ZNF736: variants seen among roughly 807,000 people sequenced by gnomAD.
ZNF736 encodes the protein zinc finger protein 736.
Under a neutral mutation model 11.7 loss-of-function variants are expected in ZNF736, and 6 were observed. That is an observed-to-expected ratio of 0.51 (90% confidence interval 0.28 to 1.01). The LOEUF is 1.01. Among genes scored for constraint, ZNF736 ranks in the 50% least tolerant of loss-of-function variants. The pLI is 0.09. For synonymous variants in ZNF736, 139 were observed against 164.7 expected (o/e 0.84, Z 1.19); for missense variants, 444 against 496.0 (o/e 0.90, Z 1.00).
rs1789533670 is a variant in ZNF736, at chr7:64,354,804, A to T, written c.*5657A>T. The T allele has an allele frequency of 6.6e-6, 1 of 152,174 alleles. No individual in the cohort carries two copies. Among genetic ancestry groups the T allele is most frequent in the Non-Finnish European group, 1.5e-5 (1 of 68,022 alleles). The allele number at this position is 152,174 out of a possible 1,614,324, so 9.4% of individuals were successfully genotyped here. On this transcript the variant is annotated 3_prime_UTR_variant, in exon 4 of 4. Transcript: ENST00000423484. ...TTTTTGTTTAGTTACTGTTCATTTTACTTTATAAAATTGACATAATTGAGT... is the reference window on the plus strand; with the variant it reads ...TTTTTGTTTAGTTACTGTTCATTTTTCTTTATAAAATTGACATAATTGAGT...
chr7:64,341,897 A>T (rs1789343534), intron 3 of ZNF736, among the ~76,000 whole-genome samples: 1 of 152,198 alleles, frequency 6.6e-6, no homozygotes, highest in African/African-American at 2.4e-5. Context: ...CAGATAACAC[A>T]TGTGAAAGGT....
Position 64,348,302 on chromosome 7 carries a change from T to C in ZNF736, c.439T>C (p.Cys147Arg), listed in dbSNP as rs1789438320. The C allele has an allele frequency of 1.9e-6, 3 of 1,551,864 alleles. No individual in the cohort carries two copies. The highest frequency in any genetic ancestry group is 2.6e-6 in the Non-Finnish European group (3 of 1,146,886). ...AGCTACCCATAGCAAAACCTGTCAA[T>C]GTAATAAATGTGGCAGAGGTTTTCA... is the stretch of plus-strand genomic sequence containing the variant. The part of the protein sequence containing the change: ...LSATHSKTCQ[C>R]NKCGRGFQLC... Residue 147 changes from cysteine (C) to arginine (R), a missense_variant, in exon 4 of 4, where the codon TGT becomes CGT. Cys to Arg is a radical substitution (Grantham distance 180). Coordinates refer to ENST00000423484, the MANE Select transcript of ZNF736 (RefSeq NM_001170905.3).
chr7:64,349,272 A>ATG lies in ZNF736; in HGVS notation c.*125_*126insTG. 2 of 886,890 alleles carry ATG rather than the reference A, an allele frequency of 2.3e-6. No individual in the cohort carries two copies. The highest frequency in any genetic ancestry group is 3.3e-6 in the Non-Finnish European group (2 of 610,668). The allele number at this position is 886,890 out of a possible 1,614,324, so 54.9% of individuals were successfully genotyped here. On this transcript the variant is annotated 3_prime_UTR_variant, in exon 4 of 4. Coordinates refer to ENST00000423484, the MANE Select transcript of ZNF736 (RefSeq NM_001170905.3). ...TTTATCATCTTAGAGGGTCTCTAAG[A>ATG]ACTTACTTTATAATCTGGTTGCTTA...
At position 64,348,804 on chromosome 7, in the gene ZNF736, C is replaced by T; in HGVS notation, c.941C>T (p.Thr314Ile). 1 of 1,585,206 alleles carries T rather than the reference C, an allele frequency of 6.3e-7. No individual in the cohort carries two copies. Among genetic ancestry groups the T allele is most frequent in the Non-Finnish European group, 8.6e-7 (1 of 1,166,046 alleles). ...KIIHTGDKPYTCNECGKAFKW... is the reference protein window; with the variant it reads ...KIIHTGDKPYICNECGKAFKW... The stretch of plus-strand genomic sequence containing the variant: ...ATTCATACTGGAGACAAACCCTACA[C>T]ATGTAATGAATGTGGAAAAGCTTTT... Residue 314 changes from threonine (T) to isoleucine (I), a missense_variant, in exon 4 of 4, where the codon ACA (threonine) becomes ATA (isoleucine). Physicochemically the swap from Thr to Ile is moderately conservative, Grantham distance 89. Transcript: ENST00000423484.
chr7:64,319,343 A>G (rs1203244232), intron 1 of ZNF736, among the ~76,000 whole-genome samples: 4,773 of 93,298 alleles, frequency 0.051, 396 homozygotes, highest in African/African-American at 0.12. Flanking sequence ...GTATATATAT[A>G]TATATATATA....
chr7:64,335,130 C>G (rs1460488219), intron 1 of ZNF736, among the ~76,000 whole-genome samples: 1 of 152,028 alleles, frequency 6.6e-6, no homozygotes, highest in Non-Finnish European at 1.5e-5. Flanking sequence ...ACATCACACA[C>G]CAGGGCCTGT....
At chr7:64,332,150 GACTGTCC>G (rs1473659897) in intron 1 of ZNF736, among the ~76,000 whole-genome samples, 4 of 152,200 alleles carry the variant, frequency 2.6e-5, no homozygotes, top group Admixed American at 2.0e-4. Context: ...TCAGGTCAGA[GACTGTCC>G]AACTTTTTCT....
intron 3 of ZNF736, among the ~76,000 whole-genome samples, chr7:64,340,347 T>C (rs73368003): frequency 0.05 from 7,624 of 152,242 alleles, 647 homozygotes; most frequent in African/African-American, 0.17. Flanking sequence ...TCTCTGGATA[T>C]GCAGAACCAC....
chr7:64,348,128 C>A lies in ZNF736; in HGVS notation c.265C>A (p.His89Asn). The A allele has an allele frequency of 2.6e-6, 4 of 1,541,744 alleles. No individual in the cohort carries two copies. Among genetic ancestry groups the A allele is most frequent in the Non-Finnish European group, 3.5e-6 (4 of 1,144,122 alleles). The change falls in exon 4 of 4, where the codon CAT becomes AAT. Residue 89 changes from histidine to asparagine, a missense_variant. By Grantham distance (68) the His-to-Asn change is moderately conservative. Transcript: ENST00000423484. ...TTTTACTGCAGAGATATTGCCGGAT[C>A]ATGACATAAAAGATTCATTTCAAAA... is the stretch of plus-strand genomic sequence containing the variant. The part of the protein sequence containing the change: ...FHFTAEILPD[H>N]DIKDSFQKVI...
intron 1 of ZNF736, among the ~76,000 whole-genome samples, chr7:64,335,475 G>C (rs973453548): frequency 1.3e-5 from 2 of 152,020 alleles, no homozygotes; most frequent in Admixed American, 6.6e-5. Context: ...ATCAGCACCT[G>C]ATACAAATTT....
Position 64,353,338 on chromosome 7 carries a change from G to C in ZNF736, c.*4191G>C, listed in dbSNP as rs1190780681. 1 of 152,204 alleles carries C rather than the reference G, an allele frequency of 6.6e-6. No individual in the cohort carries two copies. The highest frequency in any genetic ancestry group is 1.5e-5 in the Non-Finnish European group (1 of 68,050). 9.4% of individuals were successfully genotyped at this position (152,204 alleles called of 1,614,324 possible). A position where few individuals can be genotyped will look rare whatever the true frequency, so the allele number is the denominator to read the frequency against. ...GTTTCTTTGATTATTCCCAATGCAA[G>C]TACCTGGATGTTTCAGTTGCAGGTG... On this transcript the variant is annotated 3_prime_UTR_variant, in exon 4 of 4. Transcript: ENST00000423484.
chr7:64,331,967 A>G (rs1452344603), intron 1 of ZNF736, among the ~76,000 whole-genome samples: 2 of 152,180 alleles, frequency 1.3e-5, no homozygotes, highest in African/African-American at 4.8e-5. Flanking sequence ...TTTATCTGCA[A>G]TTCTAGGTCC....
At chr7:64,329,713 A>G (rs1465488149) in intron 1 of ZNF736, among the ~76,000 whole-genome samples, 1 of 152,130 alleles carries the variant, frequency 6.6e-6, no homozygotes, top group African/African-American at 2.4e-5. Flanking sequence ...GTCAGACCCA[A>G]AGCCAGCACA....
At position 64,349,076 on chromosome 7, in the gene ZNF736, G is replaced by C. The variant is rs79364081; in HGVS notation, c.1213G>C (p.Ala405Pro). 4.4e-6 allele frequency: 7 copies of C among 1,602,846 alleles called. No homozygotes were observed. Among genetic ancestry groups the C allele is most frequent in the Non-Finnish European group, 6.0e-6 (7 of 1,174,132 alleles). The stretch of plus-strand genomic sequence containing the variant: ...CTACAAATGTGAAGAATGTGGCAAA[G>C]CATCGAGCTGGTTCTCACACCTCAT... ...KPYKCEECGK[A>P]SSWFSHLIRH... The change falls in exon 4 of 4, where the codon GCA becomes CCA. Residue 405 changes from alanine (A) to proline (P), a missense_variant. Coordinates refer to ENST00000423484, the MANE Select transcript of ZNF736 (RefSeq NM_001170905.3).
At chr7:64,315,889 G>A (rs1476399658) in intron 1 of ZNF736, among the ~76,000 whole-genome samples, 1 of 151,984 alleles carries the variant, frequency 6.6e-6, no homozygotes, top group Non-Finnish European at 1.5e-5. Context: ...GTTTATTTTT[G>A]TTTAACAGAG....
Position 64,336,932 on chromosome 7 carries a change from G to A in ZNF736, c.176G>A (p.Arg59Lys). ...KPDLMTCLEQ[R>K]KEPWKVKRQE... ...GACTTGATGACCTGTCTGGAGCAAA[G>A]AAAAGAGCCTTGGAAAGTGAAGAGA... Residue 59 changes from arginine (R) to lysine (K), a missense_variant, in exon 3 of 4, where the codon AGA (arginine) becomes AAA (lysine). Arg to Lys is a conservative substitution (Grantham distance 26, BLOSUM62 2). Transcript: ENST00000423484. 6.2e-7 allele frequency: 1 copy of A among 1,604,726 alleles called. No individual in the cohort carries two copies. The highest frequency in any genetic ancestry group is 1.1e-5 in the South Asian group (1 of 90,118).
In ZNF736 at chr7:64,328,496, C is replaced by T. The variant is rs1358984600; in HGVS notation, c.4-7763C>T. On this transcript the variant is annotated intron_variant, in intron 1 of 3. Transcript: ENST00000423484. ...AGGTAGTCGGCCGGGCGCGGTGGCT[C>T]ACGCCTGTAATCCCAGCACTTTGGG... 3.9e-5 allele frequency among the ~76,000 whole-genome samples: 6 copies of T among 152,040 alleles called. No individual in the cohort carries two copies. The East Asian group carries it at 5.8e-4, about 15-fold the overall frequency.
chr7:64,334,402 A>G (rs1745345779), intron 1 of ZNF736, among the ~76,000 whole-genome samples: 1 of 152,218 alleles, frequency 6.6e-6, no homozygotes, highest in African/African-American at 2.4e-5. Flanking sequence ...GCATCCGACA[A>G]AGGGCAAATA....
chr7:64,345,989 G>C (rs1335129939), intron 3 of ZNF736, among the ~76,000 whole-genome samples: 2 of 152,120 alleles, frequency 1.3e-5, no homozygotes, highest in Non-Finnish European at 2.9e-5. Flanking sequence ...TTATTTTATA[G>C]TACATTCAAG....
Sources: gnomAD v4.1 joint callset for allele counts (sites outside exome capture counted in the v4.1 genomes callset) on GRCh38, gnomAD v4.1.1 for gene constraint, MANE v1.5 for transcripts, NCBI Gene and HGNC (gene_info 2026-07-23, HGNC 2026-07-21) for gene names.